Variants in PPP6R2 observed in about 807,000 individuals in gnomAD.
PPP6R2 encodes the protein protein phosphatase 6 regulatory subunit 2, also known as serine/threonine-protein phosphatase 6 regulatory subunit 2.
A neutral mutation model predicts 100.2 loss-of-function variants in PPP6R2; 62 were observed. The ratio of observed to expected loss-of-function variants is 0.62; its 90% CI spans 0.50 to 0.76. The LOEUF is 0.76. PPP6R2 is among the 30% of genes least tolerant of loss of function. The pLI is 0.00. For synonymous variants in PPP6R2, 525 were observed against 514.7 expected, an observed-to-expected ratio of 1.02 and a Z score of -0.27; for missense variants, 1,142 against 1,276.3, an observed-to-expected ratio of 0.89 and a Z score of 1.60.
At chr22:50,367,508 C>T (rs1451787006) in intron 1 of PPP6R2, among the ~76,000 whole-genome samples, 2 of 151,910 alleles carry the variant, frequency 1.3e-5, no homozygotes, top group Non-Finnish European at 2.9e-5. Flanking sequence ...TTAGGATGTA[C>T]CTGTTAAGGA....
intron 15 of PPP6R2, 42 bp downstream of exon 15, chr22:50,437,110 C>T (rs1021187494): frequency 4.1e-5 from 62 of 1,513,762 alleles, no homozygotes; most frequent in Non-Finnish European, 4.8e-5. Flanking sequence ...GGGCCCTTCC[C>T]GGCACCTGTG....
At chr22:50,376,068 G>A (rs894082982) in intron 2 of PPP6R2, among the ~76,000 whole-genome samples, 1 of 151,628 alleles carries the variant, frequency 6.6e-6, no homozygotes, top group African/African-American at 2.4e-5. Context: ...CCTGACCTCA[G>A]GTGATCCGCC....
At chr22:50,397,552 GC>G (rs2057188457) in intron 3 of PPP6R2, among the ~76,000 whole-genome samples, 2 of 146,040 alleles carry the variant, frequency 1.4e-5, no homozygotes, top group African/African-American at 5.4e-5. Flanking sequence ...GGGGCAGGGG[GC>G]CTGTCCTCAC....
chr22:50,441,048 C>T (rs749724473), intron 22 of PPP6R2, 22 bp downstream of exon 22: 25 of 1,508,590 alleles, frequency 1.7e-5, no homozygotes, highest in East Asian at 4.9e-5. Flanking sequence ...GTGGCGGGGG[C>T]GGGCCTGCCG....
At chr22:50,348,607 G>A (rs148248599) in intron 1 of PPP6R2, among the ~76,000 whole-genome samples, 30 of 152,270 alleles carry the variant, frequency 2.0e-4, no homozygotes, top group African/African-American at 7.2e-4. Flanking sequence ...GAAGTAGAAA[G>A]CAAGGCTTTC....
At chr22:50,339,837 GGTGTGTGGTGT>G (rs2042350878), upstream of PPP6R2, among the ~76,000 whole-genome samples, 1 of 38,776 alleles carries the variant, frequency 2.6e-5, no homozygotes, top group Non-Finnish European at 4.2e-5. Flanking sequence ...TAGTGTGTGT[GGTGTGTGGTGT>G]GTGTGTGGTA....
At chr22:50,425,830 A>G (rs1340444573) in intron 10 of PPP6R2, among the ~76,000 whole-genome samples, 1 of 150,098 alleles carries the variant, frequency 6.7e-6, no homozygotes, top group Non-Finnish European at 1.5e-5. Flanking sequence ...GCTTCGTTGG[A>G]GAAATGTCTA....
chr22:50,390,726 C>T (rs1327765719), intron 2 of PPP6R2, among the ~76,000 whole-genome samples: 5 of 152,038 alleles, frequency 3.3e-5, no homozygotes, highest in Non-Finnish European at 5.9e-5. Context: ...CAGGGCCGGG[C>T]GCGGTCGTTC....
intron 2 of PPP6R2, among the ~76,000 whole-genome samples, chr22:50,382,075 A>G (rs1231011184): frequency 6.6e-6 from 1 of 152,194 alleles, no homozygotes; most frequent in African/African-American, 2.4e-5. Flanking sequence ...GTGAAAATGG[A>G]AAGAAGACAG....
At chr22:50,383,791 C>G (rs1299698438) in intron 2 of PPP6R2, among the ~76,000 whole-genome samples, 2 of 152,080 alleles carry the variant, frequency 1.3e-5, no homozygotes, top group Non-Finnish European at 2.9e-5. Context: ...AATTGCAGCA[C>G]TTTGGGAGGC....
chr22:50,401,136 G>A (rs1430338807), intron 3 of PPP6R2, among the ~76,000 whole-genome samples: 1 of 152,108 alleles, frequency 6.6e-6, no homozygotes, highest in African/African-American at 2.4e-5. Context: ...GGGCTCAAGT[G>A]ATCCTCCCAT....
chr22:50,364,206 A>T (rs118062934), intron 1 of PPP6R2, among the ~76,000 whole-genome samples: 2,381 of 152,254 alleles, frequency 0.016, 24 homozygotes, highest in Non-Finnish European at 0.024. Context: ...CCAGGTTTTC[A>T]GACTTATTGT....
At chr22:50,414,331 G>GGCCCCCCCCCCC (rs2060189395) in intron 4 of PPP6R2, among the ~76,000 whole-genome samples, 2 of 26,776 alleles carry the variant, frequency 7.5e-5, no homozygotes, top group African/African-American at 1.7e-4. Flanking sequence ...CTGTGCAGTG[G>GGCCCCCCCCCCC]CCCCCCCCCC....
chr22:50,442,189 AG>A (rs966734244), intron 22 of PPP6R2, among the ~76,000 whole-genome samples: 1 of 152,206 alleles, frequency 6.6e-6, no homozygotes, highest in African/African-American at 2.4e-5. Flanking sequence ...CTTCCCCCAC[AG>A]GTGGGGCAGG....
intron 1 of PPP6R2, among the ~76,000 whole-genome samples, chr22:50,364,367 A>G (rs887066463): frequency 6.6e-6 from 1 of 152,188 alleles, no homozygotes; most frequent in African/African-American, 2.4e-5. Flanking sequence ...GGATACTGCA[A>G]GTTAGTGATT....
At chr22:50,360,268 G>A (rs1464103547) in intron 1 of PPP6R2, among the ~76,000 whole-genome samples, 2 of 151,622 alleles carry the variant, frequency 1.3e-5, no homozygotes, top group African/African-American at 2.4e-5. Flanking sequence ...GGCCAGGATG[G>A]TCTTGATCTC....
chr22:50,435,982 G>A (rs1177023894), intron 13 of PPP6R2, among the ~76,000 whole-genome samples: 1 of 152,226 alleles, frequency 6.6e-6, no homozygotes, highest in Non-Finnish European at 1.5e-5. Context: ...GTTTGGGCCT[G>A]TGAGGTGGGG....
At chr22:50,414,180 G>T (rs1294863214) in intron 4 of PPP6R2, among the ~76,000 whole-genome samples, 5 of 152,158 alleles carry the variant, frequency 3.3e-5, no homozygotes, top group Non-Finnish European at 7.3e-5. Flanking sequence ...ATGGCCATCA[G>T]CTCAGCTCAG....
intron 3 of PPP6R2, among the ~76,000 whole-genome samples, chr22:50,395,188 T>C (rs1463035324): frequency 6.6e-6 from 1 of 152,136 alleles, no homozygotes; most frequent in Non-Finnish European, 1.5e-5. Flanking sequence ...GGTCTTCAGC[T>C]CGAAGGAAAT....
Sources: allele counts gnomAD v4.1 joint callset (sites outside exome capture counted in the v4.1 genomes callset), GRCh38; gene constraint gnomAD v4.1.1; transcripts MANE v1.5; gene names NCBI Gene and HGNC (gene_info 2026-07-23, HGNC 2026-07-21).